Variants in NOTO observed in about 807,000 individuals in gnomAD.
NOTO encodes homeobox protein notochord.
NOTO carries 19 observed loss-of-function variants against 20.5 expected under a neutral mutation model. The ratio of observed to expected loss-of-function variants is 0.93; its 90% CI spans 0.65 to 1.36. NOTO has a LOEUF of 1.36. Among genes scored for constraint, NOTO ranks in the 40% most tolerant of loss-of-function variants. NOTO has a pLI of 0.00. For synonymous variants in NOTO, 150 were observed against 150.2 expected (o/e 1.00, Z 0.01); for missense variants, 369 against 336.2 (o/e 1.10, Z -0.76).
intron 2 of NOTO, 95 bp from the exon 3 acceptor site, chr2:73,210,676 T>G: frequency 9.5e-7 from 1 of 1,055,808 alleles, no homozygotes; most frequent in Admixed American, 2.7e-5. Flanking sequence ...GAAGAGCAAA[T>G]ATTGGCCAGG....
chr2:73,210,279 G>A (rs1686160795), intron 2 of NOTO, among the ~76,000 whole-genome samples: 2 of 152,122 alleles, frequency 1.3e-5, no homozygotes, highest in African/African-American at 4.8e-5. Flanking sequence ...AACACTCCAA[G>A]CTTGGTTCCA....
Position 73,211,355 on chromosome 2 carries a change from A to C in NOTO, c.*426A>C. Reference sequence around the variant, plus strand: ...TTTCTTCTGCTGTCACCCCACAACAATCAACACAGAACACTTCTGTGACCA... The same window carrying C: ...TTTCTTCTGCTGTCACCCCACAACACTCAACACAGAACACTTCTGTGACCA... On this transcript the variant is annotated 3_prime_UTR_variant, in exon 3 of 3. Transcript: ENST00000398468. 6.5e-6 allele frequency: 1 copy of C among 154,788 alleles called. No homozygotes were observed. The highest frequency in any genetic ancestry group is 1.4e-5 in the Non-Finnish European group (1 of 69,744). The allele number at this position is 154,788 out of a possible 1,614,324, so 9.6% of individuals were successfully genotyped here. A position where few individuals can be genotyped will look rare whatever the true frequency, so the allele number is the denominator to read the frequency against.
intron 1 of NOTO, among the ~76,000 whole-genome samples, chr2:73,204,470 C>G (rs1686058750): frequency 1.3e-5 from 2 of 152,282 alleles, no homozygotes; most frequent in South Asian, 2.1e-4. Context: ...CACAGTCTTG[C>G]CGGGTTCCTA....
Position 73,210,892 on chromosome 2 carries a change from T to C in NOTO, c.719T>C (p.Ile240Thr). Residue 240 changes from isoleucine (I) to threonine (T), a missense_variant, in exon 3 of 3, where the codon ATC (isoleucine) becomes ACC (threonine). Transcript: ENST00000398468. The stretch of plus-strand genomic sequence containing the variant: ...CCTTCCAGCAGCTCCATCGCCAGTA[T>C]CCAGAGTGATGATGCCGAGTCAGGA... ...DEPSSSSIAS[I>T]QSDDAESGVD... 1 of 1,551,512 alleles carries C rather than the reference T, an allele frequency of 6.4e-7. No homozygotes were observed. The highest frequency in any genetic ancestry group is 1.2e-5 in the South Asian group (1 of 84,034).
Position 73,212,122 on chromosome 2 carries a change from G to C in NOTO, c.*1193G>C, listed in dbSNP as rs2103699937. The C allele has an allele frequency of 1.3e-5, 2 of 152,388 alleles. No individual in the cohort carries two copies. Among genetic ancestry groups the C allele is most frequent in the South Asian group, 4.1e-4 (2 of 4,828 alleles). 9.4% of individuals were successfully genotyped at this position (152,388 alleles called of 1,614,324 possible). ...TTCCCAACGTTTTCTTGTTTTGTCT[G>C]AACTGTTACCATTCTCAGAAGAAGC... On this transcript the variant is annotated 3_prime_UTR_variant, in exon 3 of 3. Coordinates refer to ENST00000398468, the MANE Select transcript of NOTO (RefSeq NM_001134462.2).
chr2:73,211,021 C>A lies in NOTO; in HGVS notation c.*92C>A. On this transcript the variant is annotated 3_prime_UTR_variant, in exon 3 of 3. Coordinates refer to ENST00000398468, the MANE Select transcript of NOTO (RefSeq NM_001134462.2). ...CCCTGCCTCACACCTCAACGAAAAG[C>A]CTCCTCAACCAGAAGAATCTGAGCT... 9.8e-7 allele frequency: 1 copy of A among 1,017,506 alleles called. No individual in the cohort carries two copies. Among genetic ancestry groups the A allele is most frequent in the Non-Finnish European group, 1.4e-6 (1 of 708,640 alleles). 63.0% of individuals were successfully genotyped at this position (1,017,506 alleles called of 1,614,324 possible). A position where few individuals can be genotyped will look rare whatever the true frequency, so the allele number is the denominator to read the frequency against.
chr2:73,205,266 C>T (rs1264500572), intron 1 of NOTO, among the ~76,000 whole-genome samples: 8 of 152,168 alleles, frequency 5.3e-5, no homozygotes, highest in Non-Finnish European at 2.9e-5. Context: ...AACTCCCTCA[C>T]TTTGGGAGGC....
intron 1 of NOTO, among the ~76,000 whole-genome samples, chr2:73,204,148 C>A (rs1383444817): frequency 3.3e-5 from 5 of 150,968 alleles, no homozygotes; most frequent in Non-Finnish European, 5.9e-5. Context: ...CGTGGTGGCG[C>A]GCGCTTGTAA....
rs1019126952 is a variant in NOTO, at chr2:73,202,585, G to A, written c.-82G>A. 1 of 1,312,086 alleles carries A rather than the reference G, an allele frequency of 7.6e-7. No homozygotes were observed. The highest frequency in any genetic ancestry group is 1.6e-5 in the South Asian group (1 of 60,750). 81.3% of individuals were successfully genotyped at this position (1,312,086 alleles called of 1,614,324 possible). On this transcript the variant is annotated 5_prime_UTR_variant, in exon 1 of 3. Coordinates refer to ENST00000398468, the MANE Select transcript of NOTO (RefSeq NM_001134462.2). ...AGCGCCAGGAGGTTCCCAGACAACC[G>A]GTCTTGCTCGCTGCCTTTTGCAGAA...
At chr2:73,205,585 T>C (rs201288721) in intron 1 of NOTO, among the ~76,000 whole-genome samples, 5 of 152,196 alleles carry the variant, frequency 3.3e-5, no homozygotes, top group Non-Finnish European at 7.3e-5. Context: ...ATTATGGCGG[T>C]ATTCTTTTGT....
chr2:73,210,916 G>C lies in NOTO; in HGVS notation c.743G>C (p.Gly248Ala). The change falls in exon 3 of 3, where the codon GGA becomes GCA. Residue 248 changes from glycine (G) to alanine (A), a missense_variant. Transcript: ENST00000398468. ...ATCCAGAGTGATGATGCCGAGTCAG[G>C]AGTGGACGGCTGAAGACTGGGACAG... ...ASIQSDDAES[G>A]VDG 3 of 1,551,134 alleles carry C rather than the reference G, an allele frequency of 1.9e-6. No homozygotes were observed. Among genetic ancestry groups the C allele is most frequent in the Non-Finnish European group, 2.6e-6 (3 of 1,146,680 alleles).
intron 1 of NOTO, among the ~76,000 whole-genome samples, chr2:73,205,289 A>G (rs1321303086): frequency 6.6e-6 from 1 of 152,132 alleles, no homozygotes; most frequent in East Asian, 1.9e-4. Context: ...AGGCGGGTGG[A>G]CTACTTCAGC....
rs1257741214 is a variant in NOTO at position 73,202,694 on chromosome 2, C to T, written c.28C>T (p.Pro10Ser). Residue 10 changes from proline to serine, a missense_variant, in exon 1 of 3, where the codon CCG (proline) becomes TCG (serine). Coordinates refer to ENST00000398468, the MANE Select transcript of NOTO (RefSeq NM_001134462.2). MPSPRPRGS[P>S]PPAPSGSRVR... is the part of the protein sequence containing the mutation. ...GCCTAGCCCCAGGCCGCGAGGCAGCCCGCCACCCGCTCCCTCGGGCTCTCG... is the reference window on the plus strand; with the variant it reads ...GCCTAGCCCCAGGCCGCGAGGCAGCTCGCCACCCGCTCCCTCGGGCTCTCG... 1.3e-6 allele frequency: 2 copies of T among 1,508,986 alleles called. No homozygotes were observed. Among genetic ancestry groups the T allele is most frequent in the Non-Finnish European group, 1.8e-6 (2 of 1,135,508 alleles). The allele number at this position is 1,508,986 out of a possible 1,614,324, so 93.5% of individuals were successfully genotyped here.
intron 2 of NOTO, 106 bp downstream of exon 2, chr2:73,208,720 G>T: frequency 1.4e-6 from 1 of 721,100 alleles, no homozygotes; most frequent in Non-Finnish European, 2.3e-6. Context: ...CCTCTTCCCT[G>T]TGCCAGGCTG....
chr2:73,205,887 C>T (rs1411179227), intron 1 of NOTO, among the ~76,000 whole-genome samples: 1 of 152,154 alleles, frequency 6.6e-6, no homozygotes, highest in African/African-American at 2.4e-5. Flanking sequence ...GCATGCGCTA[C>T]CATACTCGAC....
chr2:73,206,251 T>C (rs557256097), intron 1 of NOTO, among the ~76,000 whole-genome samples: 25 of 152,348 alleles, frequency 1.6e-4, no homozygotes, highest in African/African-American at 5.5e-4. Context: ...ATCACTTCTG[T>C]TTTAATTTTT....
At chr2:73,204,890 T>TA (rs1484330199) in intron 1 of NOTO, among the ~76,000 whole-genome samples, 5 of 142,582 alleles carry the variant, frequency 3.5e-5, no homozygotes, top group African/African-American at 1.4e-4. Flanking sequence ...TTTTTTTATT[T>TA]TTTTTTTTTG....
chr2:73,209,676 T>C (rs1686141673), intron 2 of NOTO, among the ~76,000 whole-genome samples: 1 of 152,128 alleles, frequency 6.6e-6, no homozygotes, highest in Non-Finnish European at 1.5e-5. Flanking sequence ...TAAAATACCA[T>C]CTATAAGCCA....
At chr2:73,205,545 T>C (rs563880719) in intron 1 of NOTO, among the ~76,000 whole-genome samples, 1 of 152,380 alleles carries the variant, frequency 6.6e-6, no homozygotes, top group Non-Finnish European at 1.5e-5. Flanking sequence ...GAACTACAAA[T>C]GTTTTTCTGT....
Sources: gnomAD v4.1 joint callset for allele counts (sites outside exome capture counted in the v4.1 genomes callset) on GRCh38, gnomAD v4.1.1 for gene constraint, MANE v1.5 for transcripts, NCBI Gene and HGNC (gene_info 2026-07-23, HGNC 2026-07-21) for gene names.